SYNE2: variants seen among roughly 807,000 people sequenced by gnomAD.
The protein encoded by SYNE2 is nesprin-2.
SYNE2 carries 431 observed loss-of-function variants against 856.3 expected under a neutral mutation model. The observed-to-expected ratio is 0.50, with a 90% CI of 0.47 to 0.55. The LOEUF is 0.55. Ranked by LOEUF, SYNE2 falls within the 20% of genes least tolerant of loss-of-function variation. SYNE2 has a pLI of 0.00. For synonymous variants in SYNE2, 2,923 were observed against 2,872.3 expected (o/e 1.02, Z -0.56); for missense variants, 8,129 against 8,023.2 (o/e 1.01, Z -0.50).
intron 109 of SYNE2, among the ~76,000 whole-genome samples, chr14:64,219,001 G>T (rs1327871184): frequency 6.6e-6 from 1 of 151,976 alleles, no homozygotes; most frequent in Non-Finnish European, 1.5e-5. Flanking sequence ...TCCAGCCTCT[G>T]TGGGAGTGTA....
intron 65 of SYNE2, among the ~76,000 whole-genome samples, chr14:64,112,118 A>C (rs2097813849): frequency 6.6e-6 from 1 of 152,204 alleles, no homozygotes; most frequent in African/African-American, 2.4e-5. Context: ...CATGCCTGAC[A>C]CGTGTTTGTT....
chr14:64,100,529 AAAATATAT>A (rs1247806868), intron 63 of SYNE2, among the ~76,000 whole-genome samples: 14 of 57,640 alleles, frequency 2.4e-4, no homozygotes, highest in Middle Eastern at 7.9e-3. Flanking sequence ...AAAAAAAAAA[AAAATATAT>A]ATATATATAT....
At chr14:64,217,933 G>A (rs1190632571) in intron 108 of SYNE2, among the ~76,000 whole-genome samples, 1 of 152,162 alleles carries the variant, frequency 6.6e-6, no homozygotes, top group African/African-American at 2.4e-5. Context: ...AATGCCCCTG[G>A]GAGGCAGATT....
intron 83 of SYNE2, 81 bp from the exon 84 acceptor site, chr14:64,145,987 G>GT: frequency 2.9e-6 from 3 of 1,032,470 alleles, no homozygotes; most frequent in South Asian, 2.1e-5. Flanking sequence ...AAGCAAAATT[G>GT]TTTTTTAAAA....
At chr14:64,148,721 A>G (rs1407880057) in intron 84 of SYNE2, among the ~76,000 whole-genome samples, 2 of 152,094 alleles carry the variant, frequency 1.3e-5, no homozygotes, top group Admixed American at 1.3e-4. Flanking sequence ...GGCCATAAAC[A>G]AGGCCAAGAT....
chr14:64,030,084 T>C (rs1391658440), intron 44 of SYNE2, 25 bp downstream of exon 44: 2 of 1,611,776 alleles, frequency 1.2e-6, no homozygotes, highest in Non-Finnish European at 8.5e-7. Context: ...CCAGACATGA[T>C]AGACATTTAA....
chr14:64,162,305 A>G (rs915824621), intron 88 of SYNE2, 29 bp downstream of exon 88: 2 of 1,610,376 alleles, frequency 1.2e-6, no homozygotes, highest in Non-Finnish European at 8.5e-7. Context: ...TGGAAAACCA[A>G]GGCCAAGTCA....
chr14:63,895,694 G>A (rs539902598), intron 1 of SYNE2, among the ~76,000 whole-genome samples: 79 of 148,080 alleles, frequency 5.3e-4, no homozygotes, highest in Non-Finnish European at 8.9e-4. Context: ...CTTGAGTCCA[G>A]GAGGCAAAGG....
In SYNE2 at chr14:63,892,780, G is replaced by C. The variant is rs2095165449; in HGVS notation, c.-51-16318G>C. Among the ~76,000 whole-genome samples the C allele has an allele frequency of 3.3e-5, 5 of 150,660 alleles. No individual in the cohort carries two copies. In the South Asian group the frequency reaches 1.0e-3, roughly 32 times the overall value. ...GACAGGGGTCTCACTATGTTGCACAGGCTGGCCTTGAACTCTGGGGCTTAA... is the reference window on the plus strand; with the variant it reads ...GACAGGGGTCTCACTATGTTGCACACGCTGGCCTTGAACTCTGGGGCTTAA... On this transcript the variant is annotated intron_variant, in intron 1 of 115. Coordinates refer to ENST00000555002, the MANE Select transcript of SYNE2 (RefSeq NM_182914.3).
intron 45 of SYNE2, among the ~76,000 whole-genome samples, chr14:64,039,221 C>T (rs1299165762): frequency 2.0e-5 from 3 of 152,158 alleles, no homozygotes; most frequent in Non-Finnish European, 4.4e-5. Flanking sequence ...GACACTCTGC[C>T]CCATTGTTGC....
intron 66 of SYNE2, among the ~76,000 whole-genome samples, chr14:64,115,581 G>A (rs1302002227): frequency 6.6e-6 from 1 of 152,168 alleles, no homozygotes; most frequent in Non-Finnish European, 1.5e-5. Flanking sequence ...ATGCAAAGCA[G>A]ACAGGCTCTA....
At position 64,213,008 on chromosome 14, in the gene SYNE2, A is replaced by ACAC. The variant is rs2098649182; in HGVS notation, c.19056+4_19056+5insACC. ...GGCGGCTCACCTCCTGCACTCCGGT[A>ACAC]CGGGCACTGCTGCCTAGAAATGGCA... is the stretch of plus-strand genomic sequence containing the variant. On this transcript the variant is annotated splice_donor_region_variant and intron_variant, in intron 105 of 115. Coordinates refer to ENST00000555002, the MANE Select transcript of SYNE2 (RefSeq NM_182914.3). 2 of 1,612,938 alleles carry ACAC rather than the reference A, an allele frequency of 1.2e-6. No individual in the cohort carries two copies. The highest frequency in any genetic ancestry group is 8.5e-7 in the Non-Finnish European group (1 of 1,179,916).
chr14:64,116,712 G>A (rs537916560), intron 66 of SYNE2, among the ~76,000 whole-genome samples: 5 of 152,128 alleles, frequency 3.3e-5, no homozygotes, highest in Admixed American at 6.5e-5. Flanking sequence ...CACCGTGCCC[G>A]GCCAGTACCA....
intron 2 of SYNE2, among the ~76,000 whole-genome samples, chr14:63,932,524 TG>T (rs972723617): frequency 2.6e-5 from 4 of 151,810 alleles, no homozygotes; most frequent in Non-Finnish European, 5.9e-5. Context: ...CTGGGCAACA[TG>T]GCAAAACCCC....
intron 8 of SYNE2, among the ~76,000 whole-genome samples, chr14:63,960,525 C>T (rs1021201152): frequency 5.3e-5 from 8 of 152,160 alleles, no homozygotes; most frequent in Non-Finnish European, 1.0e-4. Context: ...CCTTGTAGCC[C>T]CTGCCTGTGA....
chr14:63,839,253 T>C (rs896041840), intron 1 of SYNE2, among the ~76,000 whole-genome samples: 4 of 152,168 alleles, frequency 2.6e-5, no homozygotes, highest in Admixed American at 6.5e-5. Context: ...ATGTTCTCCA[T>C]CTCCTGACCT....
chr14:63,849,901 G>A (rs149323797), upstream of SYNE2, among the ~76,000 whole-genome samples: 2,803 of 152,168 alleles, frequency 0.018, 95 homozygotes, highest in Admixed American at 0.083. Flanking sequence ...TCACCCATGT[G>A]TCACAGTATG....
intron 97 of SYNE2, 101 bp downstream of exon 97, chr14:64,186,680 G>T: frequency 1.3e-6 from 2 of 1,529,662 alleles, no homozygotes; most frequent in South Asian, 2.3e-5. Flanking sequence ...TGAACCGGAG[G>T]CCCTTTTCAG....
At chr14:64,082,924 C>G (rs1360683721) in intron 57 of SYNE2, among the ~76,000 whole-genome samples, 1 of 152,152 alleles carries the variant, frequency 6.6e-6, no homozygotes, top group Non-Finnish European at 1.5e-5. Context: ...CTTGAGGCCT[C>G]GGCTGCAAAA....
Sources: gnomAD v4.1 joint callset for allele counts (sites outside exome capture counted in the v4.1 genomes callset) on GRCh38, gnomAD v4.1.1 for gene constraint, MANE v1.5 for transcripts, NCBI Gene and HGNC (gene_info 2026-07-23, HGNC 2026-07-21) for gene names.